The following ATG7 variants were observed in gnomAD, a reference collection of about 807,000 sequenced individuals.
ATG7 encodes the protein autophagy related 7.
In ATG7, 70 loss-of-function variants were observed where a neutral mutation model predicts 82.4. The ratio of observed to expected loss-of-function variants is 0.85; its 90% CI spans 0.70 to 1.04. The LOEUF (loss-of-function observed/expected upper bound fraction) is 1.04, where lower values mean the gene tolerates loss of function less well. Ranked by LOEUF, ATG7 falls within the 50% of genes least tolerant of loss-of-function variation. The pLI is 0.00. For missense variants in ATG7, 792 were observed against 864.3 expected (o/e 0.92, Z 1.05); for synonymous variants, 287 against 313.0 (o/e 0.92, Z 0.88).
chr3:11,424,963 T>G (rs2082238660), intron 19 of ATG7, among the ~76,000 whole-genome samples: 1 of 136,680 alleles, frequency 7.3e-6, no homozygotes, highest in Non-Finnish European at 1.6e-5. Flanking sequence ...TTTTAATGGA[T>G]GCAAAATATC....
intron 9 of ATG7, among the ~76,000 whole-genome samples, chr3:11,316,186 A>T (rs187206611): frequency 7.9e-5 from 12 of 152,274 alleles, no homozygotes; most frequent in Admixed American, 7.2e-4. Context: ...ACACTACTGT[A>T]GAAGAATCTC....
intron 20 of ATG7, among the ~76,000 whole-genome samples, chr3:11,459,098 C>T (rs550221464): frequency 6.6e-6 from 1 of 150,676 alleles, no homozygotes; most frequent in Non-Finnish European, 1.5e-5. Flanking sequence ...CTGGCCTAGG[C>T]GATCACTTCT....
intron 9 of ATG7, 117 bp from the exon 10 acceptor site, chr3:11,331,222 GT>G: frequency 1.2e-6 from 1 of 831,092 alleles, no homozygotes; most frequent in Admixed American, 2.1e-5. Flanking sequence ...TTTACCAGAT[GT>G]TTAATTTTTA....
At chr3:11,540,233 T>C (rs2070707371) in intron 20 of ATG7, among the ~76,000 whole-genome samples, 1 of 152,270 alleles carries the variant, frequency 6.6e-6, no homozygotes, top group African/African-American at 2.4e-5. Flanking sequence ...CTTTTCATTC[T>C]GGCCATTTGA....
chr3:11,391,571 C>T (rs1221415714), intron 19 of ATG7, among the ~76,000 whole-genome samples: 1 of 152,220 alleles, frequency 6.6e-6, no homozygotes. Flanking sequence ...CCTGCCAGCA[C>T]AGCGGTTCTT....
chr3:11,337,227 G>C (rs974500753), intron 11 of ATG7, among the ~76,000 whole-genome samples: 1 of 152,164 alleles, frequency 6.6e-6, no homozygotes, highest in African/African-American at 2.4e-5. Context: ...GGCCAAGGCA[G>C]GCGGATCATG....
chr3:11,366,971 C>CTGTGTG (rs60183965), intron 18 of ATG7, among the ~76,000 whole-genome samples: 14,674 of 139,602 alleles, frequency 0.11, 848 homozygotes, highest in East Asian at 0.15. Context: ...ATGGGAAAAG[C>CTGTGTG]TGTGTGTGTG....
At chr3:11,566,172 A>C in the ATG7 span, among the ~76,000 whole-genome samples, 24 of 152,292 alleles carry the variant, frequency 1.6e-4, no homozygotes, top group African/African-American at 5.3e-4. Context: ...TTACACACAC[A>C]ATGTTACGCA....
chr3:11,490,325 T>C (rs943350406), intron 20 of ATG7, among the ~76,000 whole-genome samples: 1 of 152,230 alleles, frequency 6.6e-6, no homozygotes, highest in Non-Finnish European at 1.5e-5. Flanking sequence ...ATTTGCTTGG[T>C]AGATCTTCCT....
intron 20 of ATG7, among the ~76,000 whole-genome samples, chr3:11,461,623 T>C (rs2244617): frequency 0.87 from 131,851 of 152,180 alleles, 57,434 homozygotes; most frequent in East Asian, 1. Flanking sequence ...TGAGAATTCT[T>C]AGTGGTTTTA....
chr3:11,434,052 A>G lies in ATG7; in HGVS notation c.2079+7126A>G, dbSNP rs553628875. ...ATGAAAAACATTACGGTCATGTGAT[A>G]TGACTTCATTGGCACAGCAATTTAC... On this transcript the variant is annotated intron_variant, in intron 20 of 20. Coordinates refer to ENST00000693202, the MANE Select transcript of ATG7 (RefSeq NM_001349232.2). Among the ~76,000 whole-genome samples, 18 of 152,344 alleles carry G rather than the reference A, an allele frequency of 1.2e-4. No homozygotes were observed. The South Asian group carries it at 3.5e-3, about 30-fold the overall frequency.
intron 20 of ATG7, among the ~76,000 whole-genome samples, chr3:11,502,398 C>G (rs60657917): frequency 8.2e-6 from 1 of 121,680 alleles, no homozygotes; most frequent in East Asian, 2.7e-4. Context: ...CAACAGTCCC[C>G]AGAGTGTGAT....
rs888254913 is a variant in ATG7, at chr3:11,533,092, C to T, written c.2080-21719C>T. On this transcript the variant is annotated intron_variant, in intron 20 of 20. Transcript: ENST00000693202. ...AGAGCAGCCCGGAGGTGCGCTGGTG[C>T]GCAGAGCAGACAGTGGAGGGTTCAG... Among the ~76,000 whole-genome samples, 12 of 152,308 alleles carry T rather than the reference C, an allele frequency of 7.9e-5. No homozygotes were observed. The South Asian group carries it at 1.0e-3, about 13-fold the overall frequency.
At chr3:11,273,190 A>C (rs1940894851) in intron 1 of ATG7, among the ~76,000 whole-genome samples, 1 of 152,246 alleles carries the variant, frequency 6.6e-6, no homozygotes, top group Non-Finnish European at 1.5e-5. Context: ...GTTTTTACAA[A>C]ACCCTGTTCA....
At chr3:11,377,271 C>T (rs1353185979) in intron 18 of ATG7, among the ~76,000 whole-genome samples, 3 of 152,212 alleles carry the variant, frequency 2.0e-5, no homozygotes, top group Non-Finnish European at 4.4e-5. Flanking sequence ...CTGATACAAA[C>T]TTGGTGAATT....
At chr3:11,543,127 A>G (rs1323688089) in intron 20 of ATG7, among the ~76,000 whole-genome samples, 1 of 152,222 alleles carries the variant, frequency 6.6e-6, no homozygotes, top group African/African-American at 2.4e-5. Flanking sequence ...CCCTGCCAAC[A>G]TGAAACCTGT....
the ATG7 span, among the ~76,000 whole-genome samples, chr3:11,573,941 T>C: frequency 6.6e-6 from 1 of 152,112 alleles, no homozygotes; most frequent in Admixed American, 6.5e-5. Flanking sequence ...GAAATCTGGA[T>C]ACAGTGACAG....
chr3:11,554,738 G>A, intron 20 of ATG7, 73 bp from the exon 21 acceptor site: 3 of 1,579,712 alleles, frequency 1.9e-6, no homozygotes, highest in Admixed American at 3.4e-5. Flanking sequence ...GACTGCTGCG[G>A]TTTTGAAGCA....
intron 20 of ATG7, among the ~76,000 whole-genome samples, chr3:11,475,796 C>G (rs538611195): frequency 1.3e-5 from 2 of 151,322 alleles, no homozygotes; most frequent in East Asian, 3.9e-4. Context: ...CCATTGATAC[C>G]CTGTACCCTA....
Sources: allele counts gnomAD v4.1 joint callset (sites outside exome capture counted in the v4.1 genomes callset), GRCh38; gene constraint gnomAD v4.1.1; transcripts MANE v1.5; gene names NCBI Gene and HGNC (gene_info 2026-07-23, HGNC 2026-07-21).